SLC14A2: variants seen among roughly 807,000 people sequenced by gnomAD.
The protein encoded by SLC14A2 is urea transporter 2.
A neutral mutation model predicts 104.6 loss-of-function variants in SLC14A2; 91 were observed. The observed-to-expected ratio is 0.87, with a 90% CI of 0.73 to 1.04. The LOEUF is 1.04. Among genes scored for constraint, SLC14A2 ranks in the 50% least tolerant of loss-of-function variants. The pLI, the probability that SLC14A2 is intolerant of heterozygous loss-of-function variation, is 0.00. For missense variants in SLC14A2, 1,189 were observed against 1,156.0 expected, an observed-to-expected ratio of 1.03 and a Z score of -0.41; for synonymous variants, 476 against 466.4, an observed-to-expected ratio of 1.02 and a Z score of -0.27.
chr18:45,368,462 T>C (rs891518455), intron 1 of SLC14A2, among the ~76,000 whole-genome samples: 2 of 152,168 alleles, frequency 1.3e-5, no homozygotes, highest in African/African-American at 4.8e-5. Flanking sequence ...GAGACTGAGA[T>C]GTGGCTGGAG....
At chr18:45,453,594 G>T (rs1215751532) in intron 1 of SLC14A2, among the ~76,000 whole-genome samples, 2 of 151,954 alleles carry the variant, frequency 1.3e-5, no homozygotes, top group Non-Finnish European at 2.9e-5. Flanking sequence ...ATAGATTTTT[G>T]CATTAACTTT....
In SLC14A2 at chr18:45,673,663, AT is replaced by A. The variant is rs904302280; in HGVS notation, c.2378-19del. ...CCATAAGACCCTAGACCCAACCCTGATGCCTGCCTTCTGTCACAGCACTCAC... is the reference window on the plus strand; with the variant it reads ...CCATAAGACCCTAGACCCAACCCTGAGCCTGCCTTCTGTCACAGCACTCAC... On this transcript the variant is annotated intron_variant, in intron 17 of 19. Coordinates refer to ENST00000255226, the MANE Select transcript of SLC14A2 (RefSeq NM_007163.4). The A allele has an allele frequency of 6.2e-7, 1 of 1,611,988 alleles. No homozygotes were observed. The highest frequency in any genetic ancestry group is 1.3e-5 in the African/African-American group (1 of 74,900).
chr18:45,190,500 C>T, the SLC14A2 span, among the ~76,000 whole-genome samples: 7 of 152,202 alleles, frequency 4.6e-5, no homozygotes, highest in Non-Finnish European at 7.4e-5. Flanking sequence ...AACAGATGTC[C>T]TAGATGATGA....
rs766185453 is a variant in SLC14A2 at position 45,673,054 on chromosome 18, G to A, written c.2377+7G>A. The A allele has an allele frequency of 4.3e-6, 7 of 1,613,278 alleles. No homozygotes were observed. The highest frequency in any genetic ancestry group is 1.6e-4 in the Middle Eastern group (1 of 6,080). ...ACCATGGGGATGCTAGCAGGTCTGT[G>A]TCCTCACTTCCCTGGGCTGTGAGGG... On this transcript the variant is annotated splice_region_variant and intron_variant, in intron 17 of 19. Coordinates refer to ENST00000255226, the MANE Select transcript of SLC14A2 (RefSeq NM_007163.4).
intron 19 of SLC14A2, 93 bp downstream of exon 19, chr18:45,679,117 A>T: frequency 8.6e-7 from 1 of 1,164,828 alleles, no homozygotes; most frequent in Non-Finnish European, 1.3e-6. Flanking sequence ...CTCCTCTAAG[A>T]ACTCTTCCCC....
upstream of SLC14A2, among the ~76,000 whole-genome samples, chr18:45,208,798 T>C (rs1457438240): frequency 6.6e-6 from 1 of 151,658 alleles, no homozygotes; most frequent in Non-Finnish European, 1.5e-5. Context: ...GCATGGAGAA[T>C]CAATCAGATA....
intron 1 of SLC14A2, among the ~76,000 whole-genome samples, chr18:45,279,915 A>G (rs2084744228): frequency 6.6e-6 from 1 of 152,080 alleles, no homozygotes; most frequent in South Asian, 2.1e-4. Context: ...TGGTGGTTGG[A>G]GGGTGTCCTG....
chr18:45,262,568 T>A lies in SLC14A2; in HGVS notation c.-125+49377T>A, dbSNP rs1599624019. 2.0e-5 allele frequency among the ~76,000 whole-genome samples: 3 copies of A among 152,100 alleles called. No homozygotes were observed. In the South Asian group the frequency reaches 6.2e-4, roughly 31 times the overall value. ...ATGCCCACACCTACAATAGAAAGGATTGACCAACTTTTTCAAGGTCATACC... is the reference window on the plus strand; with the variant it reads ...ATGCCCACACCTACAATAGAAAGGAATGACCAACTTTTTCAAGGTCATACC... On this transcript the variant is annotated intron_variant, in intron 1 of 20. Transcript: ENST00000586448.
chr18:45,506,559 A>T (rs1333318633), intron 2 of SLC14A2, among the ~76,000 whole-genome samples: 1 of 152,216 alleles, frequency 6.6e-6, no homozygotes, highest in Non-Finnish European at 1.5e-5. Flanking sequence ...GAAGAGACAG[A>T]AAAAGACATG....
chr18:45,431,040 TG>T, intron 1 of SLC14A2, among the ~76,000 whole-genome samples: 1 of 152,336 alleles, frequency 6.6e-6, no homozygotes, highest in African/African-American at 2.4e-5. Context: ...TAAGAAGTAT[TG>T]GATCTTATAT....
intron 2 of SLC14A2, among the ~76,000 whole-genome samples, chr18:45,505,096 G>A (rs1276282496): frequency 6.6e-6 from 1 of 152,182 alleles, no homozygotes; most frequent in Non-Finnish European, 1.5e-5. Context: ...TAGGATCAAA[G>A]GGAAATGAGG....
chr18:45,621,398 C>T (rs992399118), intron 1 of SLC14A2, among the ~76,000 whole-genome samples: 1 of 152,180 alleles, frequency 6.6e-6, no homozygotes, highest in Admixed American at 6.5e-5. Context: ...CTAATGAGCT[C>T]CTCCTGGGAA....
chr18:45,413,659 C>T (rs369760305), intron 1 of SLC14A2, among the ~76,000 whole-genome samples: 11 of 152,130 alleles, frequency 7.2e-5, no homozygotes, highest in East Asian at 3.9e-4. Context: ...TCTTGAGCTC[C>T]AGCATTGTTG....
intron 1 of SLC14A2, among the ~76,000 whole-genome samples, chr18:45,475,501 T>C (rs2087342672): frequency 6.6e-6 from 1 of 151,226 alleles, no homozygotes; most frequent in African/African-American, 2.4e-5. Flanking sequence ...TAAGTCTCTT[T>C]GTATGTCTCT....
At chr18:45,443,606 T>G (rs531783008) in intron 1 of SLC14A2, among the ~76,000 whole-genome samples, 1 of 152,024 alleles carries the variant, frequency 6.6e-6, no homozygotes, top group Non-Finnish European at 1.5e-5. Flanking sequence ...GTAATCTTTG[T>G]AGGTTTTATG....
chr18:45,311,383 A>G (rs1412502387), intron 1 of SLC14A2, among the ~76,000 whole-genome samples: 11 of 152,182 alleles, frequency 7.2e-5, no homozygotes, highest in Non-Finnish European at 1.2e-4. Context: ...GTATACTCCT[A>G]TCCACACTTA....
chr18:45,319,722 A>G (rs1039072210), intron 1 of SLC14A2, among the ~76,000 whole-genome samples: 5 of 152,176 alleles, frequency 3.3e-5, no homozygotes, highest in African/African-American at 7.2e-5. Flanking sequence ...CCCTCCCAAC[A>G]TACTTGATCT....
Position 45,445,431 on chromosome 18 carries a change from G to A in SLC14A2, c.-124-37802G>A, listed in dbSNP as rs532569317. 8.5e-5 allele frequency among the ~76,000 whole-genome samples: 13 copies of A among 152,236 alleles called. 1 individual carries two copies. Among genetic ancestry groups the A allele is most frequent in the African/African-American group, 2.6e-4 (11 of 41,536 alleles). On this transcript the variant is annotated intron_variant, in intron 1 of 20. Coordinates refer to the SLC14A2 transcript ENST00000586448. ...GGCCTGACACCATTTTTGATAGGAC[G>A]TAAGAGACATTTGTGATGGAGGATC...
At chr18:45,475,108 T>C (rs1173014412) in intron 1 of SLC14A2, among the ~76,000 whole-genome samples, 5 of 152,216 alleles carry the variant, frequency 3.3e-5, no homozygotes, top group Non-Finnish European at 4.4e-5. Context: ...AAAGAACTTA[T>C]TTATTTCTGC....
Sources: allele counts gnomAD v4.1 joint callset (sites outside exome capture counted in the v4.1 genomes callset), GRCh38; gene constraint gnomAD v4.1.1; transcripts MANE v1.5; gene names NCBI Gene and HGNC (gene_info 2026-07-23, HGNC 2026-07-21).